The following UNC5D variants were observed in gnomAD, a reference collection of about 807,000 sequenced individuals.
UNC5D encodes the protein netrin receptor UNC5D.
In UNC5D, 39 loss-of-function variants were observed where a neutral mutation model predicts 105.4. The observed-to-expected ratio is 0.37, with a 90% CI of 0.29 to 0.48. UNC5D has a LOEUF of 0.48. Ranked by LOEUF, UNC5D falls within the 20% of genes least tolerant of loss-of-function variation. The probability of loss-of-function intolerance (pLI) is 0.98; values close to 1 mark genes in which losing one functional copy is unlikely to be tolerated. For synonymous variants in UNC5D, 452 were observed against 450.4 expected, an observed-to-expected ratio of 1.00 and a Z score of -0.04; for missense variants, 991 against 1,202.4, an observed-to-expected ratio of 0.82 and a Z score of 2.60.
At chr8:35,523,555 T>C (rs1295423201) in intron 1 of UNC5D, among the ~76,000 whole-genome samples, 1 of 150,536 alleles carries the variant, frequency 6.6e-6, no homozygotes, top group Non-Finnish European at 1.5e-5. Flanking sequence ...TCCATTTGTA[T>C]CCTCTGAAAT....
intron 1 of UNC5D, among the ~76,000 whole-genome samples, chr8:35,482,164 T>C: frequency 6.6e-6 from 1 of 152,206 alleles, no homozygotes; most frequent in East Asian, 1.9e-4. Flanking sequence ...TCAGAAGTAA[T>C]CCTTTTAATA....
intron 1 of UNC5D, among the ~76,000 whole-genome samples, chr8:35,318,665 T>C (rs1395670517): frequency 6.6e-6 from 1 of 152,136 alleles, no homozygotes; most frequent in African/African-American, 2.4e-5. Context: ...GAACTATAGA[T>C]AGATGACATT....
rs74745527 is a variant in UNC5D, at chr8:35,378,152, C to T, written c.103+142265C>T. On this transcript the variant is annotated intron_variant, in intron 1 of 16. Transcript: ENST00000404895. ...GATAAGCATGCTGGCTTCCTGACTG[C>T]GATCCCCTATCTCCTGCCTTATGGA... Among the ~76,000 whole-genome samples the T allele has an allele frequency of 3.6e-3, 550 of 152,270 alleles. 15 individuals carry two copies. The highest frequency in any genetic ancestry group is 0.023 in the Admixed American group (358 of 15,290).
At chr8:35,269,312 C>A (rs1359951845) in intron 1 of UNC5D, among the ~76,000 whole-genome samples, 2 of 152,186 alleles carry the variant, frequency 1.3e-5, no homozygotes, top group Admixed American at 6.5e-5. Context: ...GCCCTGAACA[C>A]CCATCTTCCT....
chr8:35,398,259 C>G lies in UNC5D; in HGVS notation c.104-151033C>G, dbSNP rs539151705. Among the ~76,000 whole-genome samples the G allele has an allele frequency of 4.4e-4, 67 of 152,320 alleles. 1 individual carries two copies. The highest frequency in any genetic ancestry group is 1.5e-3 in the African/African-American group (61 of 41,582). ...ACCCTACTAATAGGTCCTTCCCTTGCTGGGGCCTTTCTTGACCTCCTTCTT... is the reference window on the plus strand; with the variant it reads ...ACCCTACTAATAGGTCCTTCCCTTGGTGGGGCCTTTCTTGACCTCCTTCTT... On this transcript the variant is annotated intron_variant, in intron 1 of 16. Transcript: ENST00000404895.
At chr8:35,787,947 G>T (rs1054146186) in intron 16 of UNC5D, among the ~76,000 whole-genome samples, 7 of 152,086 alleles carry the variant, frequency 4.6e-5, no homozygotes, top group African/African-American at 1.7e-4. Flanking sequence ...AGCAAGATTT[G>T]CTTTGCCATT....
At chr8:35,755,388 G>C (rs1159016930) in intron 13 of UNC5D, among the ~76,000 whole-genome samples, 1 of 152,070 alleles carries the variant, frequency 6.6e-6, no homozygotes. Context: ...TCTAGATGTA[G>C]TTCTTGTGTT....
intron 4 of UNC5D, among the ~76,000 whole-genome samples, chr8:35,607,292 A>G (rs563756195): frequency 6.6e-6 from 1 of 152,230 alleles, no homozygotes; most frequent in South Asian, 2.1e-4. Context: ...CTCACTTCCT[A>G]TATTAGTTTC....
chr8:35,257,257 A>G (rs1804148676), intron 1 of UNC5D, among the ~76,000 whole-genome samples: 1 of 152,038 alleles, frequency 6.6e-6, no homozygotes, highest in South Asian at 2.1e-4. Flanking sequence ...GCGTCAGCCA[A>G]CGCGCCCAGC....
chr8:35,761,515 G>A (rs1161241710), intron 14 of UNC5D, among the ~76,000 whole-genome samples: 2 of 152,158 alleles, frequency 1.3e-5, no homozygotes, highest in East Asian at 1.9e-4. Context: ...AACCCAGCAA[G>A]CTTTACTGCC....
chr8:35,602,992 C>A (rs1322647330), intron 4 of UNC5D, among the ~76,000 whole-genome samples: 1 of 151,530 alleles, frequency 6.6e-6, no homozygotes, highest in Non-Finnish European at 1.5e-5. Flanking sequence ...TTTCAGAAAA[C>A]CAGCTGCTGG....
intron 12 of UNC5D, among the ~76,000 whole-genome samples, chr8:35,749,706 C>G (rs570134395): frequency 1.5e-3 from 229 of 152,242 alleles, no homozygotes; most frequent in African/African-American, 5.3e-3. Flanking sequence ...AGTCCTCTTC[C>G]CATTATGTTT....
At chr8:35,641,933 C>A (rs1563622523) in intron 4 of UNC5D, among the ~76,000 whole-genome samples, 1 of 152,050 alleles carries the variant, frequency 6.6e-6, no homozygotes, top group Non-Finnish European at 1.5e-5. Flanking sequence ...ATGGTGGTAC[C>A]ATCTCACTAT....
chr8:35,247,510 TTCTC>T (rs1231286251), intron 1 of UNC5D, among the ~76,000 whole-genome samples: 16 of 126,332 alleles, frequency 1.3e-4, no homozygotes, highest in East Asian at 8.9e-4. Flanking sequence ...CCTAAATAAC[TTCTC>T]TCTCTCTCTA....
intron 7 of UNC5D, among the ~76,000 whole-genome samples, chr8:35,703,854 C>T (rs1827365876): frequency 6.6e-6 from 1 of 152,196 alleles, no homozygotes; most frequent in South Asian, 2.1e-4. Flanking sequence ...CTGCCAGCCT[C>T]GCTGTGCCCC....
chr8:35,649,744 A>G (rs1823286280), intron 4 of UNC5D, among the ~76,000 whole-genome samples: 1 of 152,180 alleles, frequency 6.6e-6, no homozygotes, highest in East Asian at 1.9e-4. Flanking sequence ...CTAGTCATGG[A>G]AAAACATCAG....
chr8:35,466,029 TG>T (rs1372433746), intron 1 of UNC5D, among the ~76,000 whole-genome samples: 20 of 152,304 alleles, frequency 1.3e-4, no homozygotes, highest in African/African-American at 3.8e-4. Flanking sequence ...CAACTGATTT[TG>T]CCCAGTGATG....
At chr8:35,588,417 G>A (rs1818938883) in intron 3 of UNC5D, among the ~76,000 whole-genome samples, 2 of 152,256 alleles carry the variant, frequency 1.3e-5, no homozygotes, top group South Asian at 4.1e-4. Context: ...GGCACCTGGT[G>A]TGTGTTTTTA....
chr8:35,258,123 G>A (rs1023942913), intron 1 of UNC5D, among the ~76,000 whole-genome samples: 3 of 152,142 alleles, frequency 2.0e-5, no homozygotes, highest in African/African-American at 7.2e-5. Context: ...GCTGCTCTCT[G>A]CTTCCAAGAT....
Sources: allele counts gnomAD v4.1 joint callset (sites outside exome capture counted in the v4.1 genomes callset), GRCh38; gene constraint gnomAD v4.1.1; transcripts MANE v1.5; gene names NCBI Gene and HGNC (gene_info 2026-07-23, HGNC 2026-07-21).